The following IQCB1 variants were observed in gnomAD, a reference collection of about 807,000 sequenced individuals.
IQCB1 encodes the protein IQ motif containing B1.
A neutral mutation model predicts 84.4 loss-of-function variants in IQCB1; 56 were observed. That is an observed-to-expected ratio of 0.66 (90% CI 0.54 to 0.83). IQCB1 has a LOEUF of 0.83. IQCB1 is among the 40% of genes least tolerant of loss of function. The pLI is 0.00. For missense variants in IQCB1, 629 were observed against 682.1 expected, an observed-to-expected ratio of 0.92 and a Z score of 0.87; for synonymous variants, 210 against 234.8, an observed-to-expected ratio of 0.89 and a Z score of 0.96.
At chr3:121,815,961 C>A (rs1475699939) in intron 5 of IQCB1, among the ~76,000 whole-genome samples, 1 of 147,110 alleles carries the variant, frequency 6.8e-6, no homozygotes, top group Non-Finnish European at 1.5e-5. Context: ...GCCCGTATAG[C>A]CAAGACAATC....
intron 14 of IQCB1, among the ~76,000 whole-genome samples, chr3:121,771,321 C>CTTAT (rs1414339841): frequency 6.6e-6 from 1 of 151,668 alleles, no homozygotes; most frequent in Non-Finnish European, 1.5e-5. Flanking sequence ...TGTAAGATGG[C>CTTAT]TTATTTATTT....
chr3:121,819,138 A>G (rs1169068594), intron 5 of IQCB1, among the ~76,000 whole-genome samples: 1 of 152,154 alleles, frequency 6.6e-6, no homozygotes. Context: ...TTATTATTAC[A>G]TTGTAATACA....
chr3:121,813,195 A>C (rs955757121), intron 5 of IQCB1, among the ~76,000 whole-genome samples: 2 of 152,242 alleles, frequency 1.3e-5, no homozygotes, highest in Non-Finnish European at 2.9e-5. Flanking sequence ...TGAAGGAGAA[A>C]TAAAATCCTT....
At chr3:121,830,228 A>T (rs1429825242) in intron 2 of IQCB1, among the ~76,000 whole-genome samples, 4 of 144,414 alleles carry the variant, frequency 2.8e-5, no homozygotes, top group Admixed American at 6.9e-5. Flanking sequence ...AATAATTAAT[A>T]AATAAGTAAA....
chr3:121,784,401 A>G (rs1481438392), intron 12 of IQCB1, among the ~76,000 whole-genome samples: 1 of 151,672 alleles, frequency 6.6e-6, no homozygotes, highest in Admixed American at 6.6e-5. Context: ...TCCTTTTATT[A>G]GTCTTTCAGT....
intron 13 of IQCB1, among the ~76,000 whole-genome samples, chr3:121,774,067 A>C (rs1948120867): frequency 7.2e-6 from 1 of 139,008 alleles, no homozygotes; most frequent in Admixed American, 8.3e-5. Context: ...TACAAAAAAC[A>C]ACCTGATTAA....
chr3:121,808,879 C>T (rs752960222), intron 6 of IQCB1, 37 bp downstream of exon 6: 5 of 1,251,974 alleles, frequency 4.0e-6, no homozygotes, highest in Non-Finnish European at 5.9e-6. Flanking sequence ...GTTGACTCTA[C>T]AATAGCTATT....
At chr3:121,817,951 AG>A (rs1487709892) in intron 5 of IQCB1, among the ~76,000 whole-genome samples, 2 of 152,184 alleles carry the variant, frequency 1.3e-5, no homozygotes, top group East Asian at 3.9e-4. Flanking sequence ...TCTGCAAGCC[AG>A]GAAGTGGGCC....
At chr3:121,831,082 T>C (rs936096244) in intron 2 of IQCB1, among the ~76,000 whole-genome samples, 9 of 152,150 alleles carry the variant, frequency 5.9e-5, no homozygotes, top group Non-Finnish European at 7.4e-5. Context: ...TGGAAGTTCC[T>C]GGAGGAATTT....
At chr3:121,827,226 A>G (rs1327393691) in intron 4 of IQCB1, among the ~76,000 whole-genome samples, 2 of 152,064 alleles carry the variant, frequency 1.3e-5, no homozygotes, top group Non-Finnish European at 2.9e-5. Flanking sequence ...CAATTTACCT[A>G]TAAAACAAAC....
intron 5 of IQCB1, among the ~76,000 whole-genome samples, chr3:121,819,953 T>C (rs1161562971): frequency 2.0e-5 from 3 of 152,156 alleles, no homozygotes; most frequent in Admixed American, 6.5e-5. Flanking sequence ...AGATCTCTAC[T>C]TGGAGGCTAA....
chr3:121,773,385 G>A (rs1417284774), intron 13 of IQCB1, among the ~76,000 whole-genome samples: 1 of 142,344 alleles, frequency 7.0e-6, no homozygotes, highest in East Asian at 2.1e-4. Context: ...TTGTTTCTTT[G>A]TTTTACTTCT....
At position 121,797,073 on chromosome 3, in the gene IQCB1, T is replaced by C. The variant is rs751307585; in HGVS notation, c.876+45A>G. ...ATTTAAGGAAAACTAAGGTTTAATA[T>C]AGTCAGCAAATATCATGCAATTTTT... is the stretch of plus-strand genomic sequence containing the variant. On this transcript the variant is annotated intron_variant, in intron 9 of 14. Coordinates refer to ENST00000310864, the MANE Select transcript of IQCB1 (RefSeq NM_001023570.4). The C allele has an allele frequency of 8.3e-6, 8 of 964,636 alleles. No homozygotes were observed. In the Admixed American group the frequency reaches 1.0e-4, roughly 12 times the overall value. The allele number at this position is 964,636 out of a possible 1,614,324, so 59.8% of individuals were successfully genotyped here.
In IQCB1 at chr3:121,795,390, A is replaced by C. The variant is rs562927691; in HGVS notation, c.986+67T>G. ...CTAGGAAATTAAAAAAAAATCACCT[A>C]AATTTCAATTCAACTGTACTCTAGT... is the stretch of plus-strand genomic sequence containing the variant. On this transcript the variant is annotated intron_variant, in intron 10 of 14. Transcript: ENST00000310864. The C allele has an allele frequency of 2.9e-5, 26 of 884,704 alleles. No homozygotes were observed. The East Asian group carries it at 6.2e-4, about 21-fold the overall frequency. The allele number at this position is 884,704 out of a possible 1,614,324, so 54.8% of individuals were successfully genotyped here.
At chr3:121,770,786 G>A (rs1000357612) in intron 14 of IQCB1, among the ~76,000 whole-genome samples, 1 of 151,816 alleles carries the variant, frequency 6.6e-6, no homozygotes, top group African/African-American at 2.4e-5. Flanking sequence ...GGGCTCAAGT[G>A]ATTCTCCCAC....
At position 121,809,202 on chromosome 3, in the gene IQCB1, C is replaced by T. The variant is rs111343642; in HGVS notation, c.394-193G>A. On this transcript the variant is annotated intron_variant, in intron 5 of 14. Transcript: ENST00000310864. Reference sequence around the variant, plus strand: ...TGTGGTTACAGGATAGTAATATCTACTAGAAATGGTTGTTATCCAGATAAA... The same window carrying T: ...TGTGGTTACAGGATAGTAATATCTATTAGAAATGGTTGTTATCCAGATAAA... Among the ~76,000 whole-genome samples the T allele has an allele frequency of 1.5e-3, 235 of 151,744 alleles. 5 individuals are homozygous for T. In the Middle Eastern group the frequency reaches 0.034, roughly 22 times the overall value.
intron 2 of IQCB1, chr3:121,834,126 A>G (rs1011889993): frequency 6.6e-6 from 1 of 152,232 alleles, no homozygotes; most frequent in Non-Finnish European, 1.5e-5. Context: ...CAGCTTCGGC[A>G]CACCTTCAAA....
At chr3:121,781,016 T>A (rs1948463233) in intron 13 of IQCB1, among the ~76,000 whole-genome samples, 1 of 152,224 alleles carries the variant, frequency 6.6e-6, no homozygotes. Flanking sequence ...TTGAAATGTA[T>A]AAACTGCTAA....
At chr3:121,784,365 A>G (rs1253413916) in intron 12 of IQCB1, among the ~76,000 whole-genome samples, 1 of 151,706 alleles carries the variant, frequency 6.6e-6, no homozygotes, top group Non-Finnish European at 1.5e-5. Flanking sequence ...GCTTTCTGTG[A>G]GATTTCTTTA....
Sources: gnomAD v4.1 joint callset for allele counts (sites outside exome capture counted in the v4.1 genomes callset) on GRCh38, gnomAD v4.1.1 for gene constraint, MANE v1.5 for transcripts, NCBI Gene and HGNC (gene_info 2026-07-23, HGNC 2026-07-21) for gene names.